MELTF: variants seen among roughly 807,000 people sequenced by gnomAD.
MELTF encodes melanotransferrin.
MELTF carries 67 observed loss-of-function variants against 83.7 expected under a neutral mutation model. The observed-to-expected ratio is 0.80, with a 90% CI of 0.66 to 0.98. The LOEUF is 0.98. Ranked by LOEUF, MELTF falls within the 50% of genes least tolerant of loss-of-function variation. MELTF has a pLI of 0.00. For synonymous variants in MELTF, 462 were observed against 447.6 expected, an observed-to-expected ratio of 1.03 and a Z score of -0.41; for missense variants, 1,002 against 1,035.6, an observed-to-expected ratio of 0.97 and a Z score of 0.44.
At chr3:197,005,201 A>C (rs1718933242) in intron 14 of MELTF, among the ~76,000 whole-genome samples, 1 of 152,202 alleles carries the variant, frequency 6.6e-6, no homozygotes, top group African/African-American at 2.4e-5. Flanking sequence ...AAGCACAACC[A>C]ATGGGATCTG....
rs748018104 is a variant in MELTF at position 197,023,943 on chromosome 3, C to T, written c.487+360G>A. 1.6e-5 allele frequency: 8 copies of T among 503,610 alleles called. 1 individual carries two copies. The highest frequency in any genetic ancestry group is 1.1e-4 in the South Asian group (7 of 65,012). The allele number at this position is 503,610 out of a possible 1,614,324, so 31.2% of individuals were successfully genotyped here. On this transcript the variant is annotated intron_variant, in intron 4 of 15. Transcript: ENST00000296350. ...AATAGCATTTCTGGTCCTGTAAAGC[C>T]GAGGACACATTTCTAGACACAGTGA... is the stretch of plus-strand genomic sequence containing the variant.
rs1250804536 is a variant in MELTF, at chr3:197,016,754, C to T, written c.900+349G>A. On this transcript the variant is annotated intron_variant, in intron 7 of 15. Transcript: ENST00000296350. ...TCACAAGCGGCGGTTTTAGCCAAACCTTATTCGCCACATGTAATTAATGGT... is the reference window on the plus strand; with the variant it reads ...TCACAAGCGGCGGTTTTAGCCAAACTTTATTCGCCACATGTAATTAATGGT... 4.6e-5 allele frequency among the ~76,000 whole-genome samples: 7 copies of T among 152,262 alleles called. No homozygotes were observed. The East Asian group carries it at 1.3e-3, about 29-fold the overall frequency.
rs190096194 is a variant in MELTF at position 197,016,354 on chromosome 3, C to G, written c.916G>C (p.Glu306Gln). The G allele has an allele frequency of 6.3e-7, 1 of 1,593,628 alleles. No individual in the cohort carries two copies. The highest frequency in any genetic ancestry group is 1.7e-5 in the Admixed American group (1 of 57,990). ...LNEGQRLFSH[E>Q]GSSFQMFSSE... Reference sequence around the variant, plus strand: ...CTGAACATCTGGAAGCTGCTGCCCTCGTGGCTGAACAGACGCTGTGTGTCA... The same window carrying G: ...CTGAACATCTGGAAGCTGCTGCCCTGGTGGCTGAACAGACGCTGTGTGTCA... The change falls in exon 8 of 16, where the codon GAG becomes CAG. Residue 306 changes from glutamate (E) to glutamine (Q), a missense_variant. Glu to Gln is a conservative substitution (Grantham distance 29). Coordinates refer to ENST00000296350, the MANE Select transcript of MELTF (RefSeq NM_005929.6).
intron 6 of MELTF, 143 bp downstream of exon 6, chr3:197,021,261 G>A (rs1323660850): frequency 1.4e-6 from 1 of 699,540 alleles, no homozygotes; most frequent in African/African-American, 1.8e-5. Flanking sequence ...CGGAGACTGT[G>A]GGACTTGTCC....
Position 197,022,382 on chromosome 3 carries a change from C to T in MELTF, c.644+575G>A, listed in dbSNP as rs1159389961. Among the ~76,000 whole-genome samples, 7 of 152,292 alleles carry T rather than the reference C, an allele frequency of 4.6e-5. No individual in the cohort carries two copies. Among genetic ancestry groups the T allele is most frequent in the Admixed American group, 2.0e-4 (3 of 15,306 alleles). ...TGTTTCTTCTCTCTAAGCCGAAAAC[C>T]GCATCCAGTCAGATAACATCTGGAG... is the stretch of plus-strand genomic sequence containing the variant. On this transcript the variant is annotated intron_variant, in intron 5 of 15. Transcript: ENST00000296350. This position sits in a 1 kb window ranked among gnomAD's most constrained non-coding sequence, Gnocchi z 5.1.
In MELTF at chr3:197,024,193, T is replaced by C. The variant is rs1285711176; in HGVS notation, c.487+110A>G. ...CGGGGGCTGCTGCGCCTTCCAGGAATGAAGAATGGTGGCGAGGCCGGAGGG... is the reference window on the plus strand; with the variant it reads ...CGGGGGCTGCTGCGCCTTCCAGGAACGAAGAATGGTGGCGAGGCCGGAGGG... On this transcript the variant is annotated intron_variant, in intron 4 of 15. Coordinates refer to ENST00000296350, the MANE Select transcript of MELTF (RefSeq NM_005929.6). This position sits in a 1 kb window ranked among gnomAD's most constrained non-coding sequence, Gnocchi z 5.3. 1.6e-6 allele frequency: 2 copies of C among 1,237,632 alleles called. No homozygotes were observed. The highest frequency in any genetic ancestry group is 2.2e-6 in the Non-Finnish European group (2 of 893,866). 76.7% of individuals were successfully genotyped at this position (1,237,632 alleles called of 1,614,324 possible). A position where few individuals can be genotyped will look rare whatever the true frequency, so the allele number is the denominator to read the frequency against.
intron 3 of MELTF, among the ~76,000 whole-genome samples, chr3:197,025,191 G>A (rs1014908004): frequency 5.9e-5 from 9 of 152,242 alleles, no homozygotes; most frequent in Non-Finnish European, 8.8e-5. Context: ...GTCTCCCATC[G>A]CACGGGCGCA....
chr3:197,018,424 T>C (rs1719489065), intron 6 of MELTF, among the ~76,000 whole-genome samples: 1 of 151,774 alleles, frequency 6.6e-6, no homozygotes, highest in Admixed American at 6.6e-5. Context: ...GTGCTGGGAT[T>C]ACAGGCGTGA....
chr3:197,009,508 G>T, intron 11 of MELTF, 110 bp downstream of exon 11: 1 of 1,078,708 alleles, frequency 9.3e-7, no homozygotes, highest in Non-Finnish European at 1.3e-6. Flanking sequence ...GGGCACATAT[G>T]CAGAAGCCTG....
intron 6 of MELTF, among the ~76,000 whole-genome samples, chr3:197,020,331 C>T (rs1413942387): frequency 1.3e-5 from 2 of 152,152 alleles, no homozygotes; most frequent in Non-Finnish European, 2.9e-5. Flanking sequence ...TCTGCAATAT[C>T]GGCTATAGAC....
At chr3:197,019,399 A>G in intron 6 of MELTF, 2 of 1,318,104 alleles carry the variant, frequency 1.5e-6, no homozygotes, top group Admixed American at 3.1e-5. Flanking sequence ...ATCTTTCTGT[A>G]TAAAGTCACT....
chr3:197,010,623 AGG>A, intron 10 of MELTF, 73 bp downstream of exon 10: 1 of 1,285,348 alleles, frequency 7.8e-7, no homozygotes, highest in Non-Finnish European at 1.1e-6. Flanking sequence ...AAAATGGCTG[AGG>A]GGGGCACTCT....
At position 197,006,673 on chromosome 3, in the gene MELTF, T is replaced by C; in HGVS notation, c.1814A>G (p.Asn605Ser). The C allele has an allele frequency of 6.3e-7, 1 of 1,593,434 alleles. No homozygotes were observed. Among genetic ancestry groups the C allele is most frequent in the Non-Finnish European group, 8.5e-7 (1 of 1,169,984 alleles). Reference sequence around the variant, plus strand: ...CTGGGACACCTCGGCTCGGGCCCCGTTGGGGCACAGCAGTTCATAGTCCTC... The same window carrying C: ...CTGGGACACCTCGGCTCGGGCCCCGCTGGGGCACAGCAGTTCATAGTCCTC... ...RSEDYELLCP[N>S]GARAEVSQFA... The change falls in exon 14 of 16, where the codon AAC (asparagine) becomes AGC (serine). Residue 605 changes from asparagine to serine, a missense_variant. Physicochemically the swap from Asn to Ser is conservative, Grantham distance 46 (BLOSUM62 1). Transcript: ENST00000296350. The surrounding 1 kb of genome is among the most constrained non-coding windows in gnomAD (Gnocchi z 5.4).
At chr3:197,019,475 C>T (rs942410396) in intron 6 of MELTF, 40 of 1,465,868 alleles carry the variant, frequency 2.7e-5, no homozygotes, top group African/African-American at 5.6e-5. Context: ...GCCAGGTGCA[C>T]GCCTGTCATC....
chr3:197,014,383 G>GTTTTGTTTT (rs1719285519), intron 9 of MELTF, among the ~76,000 whole-genome samples: 1 of 101,058 alleles, frequency 9.9e-6, no homozygotes, highest in African/African-American at 4.1e-5. Flanking sequence ...AATAGGGAGA[G>GTTTTGTTTT]TTTTTTTTTT....
At chr3:197,023,189 G>A in intron 4 of MELTF, 76 bp from the exon 5 acceptor site, 24 of 1,478,642 alleles carry the variant, frequency 1.6e-5, no homozygotes, top group Non-Finnish European at 2.2e-5. Context: ...GTCAGCAGGG[G>A]GCCCGGGCTC....
Position 197,029,776 on chromosome 3 carries a change from C to T in MELTF, c.-74G>A. ...GAGGAGGTCCGCAGCAGCCGGGCTTCCTCCCTGCTCCCCCTCGCGCTGGCC... is the reference window on the plus strand; with the variant it reads ...GAGGAGGTCCGCAGCAGCCGGGCTTTCTCCCTGCTCCCCCTCGCGCTGGCC... On this transcript the variant is annotated 5_prime_UTR_variant, in exon 1 of 16. Coordinates refer to ENST00000296350, the MANE Select transcript of MELTF (RefSeq NM_005929.6). The surrounding 1 kb of genome is among the most constrained non-coding windows in gnomAD (Gnocchi z 6.5). The T allele has an allele frequency of 2.0e-6, 2 of 1,021,070 alleles. No homozygotes were observed. The highest frequency in any genetic ancestry group is 3.3e-5 in the East Asian group (1 of 30,516). The allele number at this position is 1,021,070 out of a possible 1,614,324, so 63.3% of individuals were successfully genotyped here.
chr3:197,003,408 GGGCAGCAGCAGC>G lies in MELTF; in HGVS notation c.2169_2180del (p.Leu724_Pro727del). On this transcript the variant is annotated inframe_deletion, in exon 16 of 16. Transcript: ENST00000296350. This position sits in a 1 kb window ranked among gnomAD's most constrained non-coding sequence, Gnocchi z 6.2. ...GCGGGAGCAGGCGGGCGGCGAGGGC[GGGCAGCAGCAGC>G]GGGAGCAGGGGCGCCCCGGGCGCCG... 1.8e-6 allele frequency: 2 copies of G among 1,107,482 alleles called. No individual in the cohort carries two copies. The highest frequency in any genetic ancestry group is 1.7e-5 in the African/African-American group (1 of 59,894). 68.6% of individuals were successfully genotyped at this position (1,107,482 alleles called of 1,614,324 possible). A position where few individuals can be genotyped will look rare whatever the true frequency, so the allele number is the denominator to read the frequency against.
chr3:197,016,349 GC>G lies in MELTF; in HGVS notation c.920del (p.Gly307AlafsTer46). The G allele has an allele frequency of 1.9e-6, 3 of 1,598,836 alleles. No individual in the cohort carries two copies. The highest frequency in any genetic ancestry group is 2.6e-6 in the Non-Finnish European group (3 of 1,172,340). ...CAGAGCTGAACATCTGGAAGCTGCT[GC>G]CCTCGTGGCTGAACAGACGCTGTGT... Reference protein sequence around the residue: ...NEGQRLFSHEGSSFQMFSSEA... With the variant: ...NEGQRLFSHEXSSFQMFSSEA... On this transcript the variant is annotated frameshift_variant, in exon 8 of 16. Coordinates refer to ENST00000296350, the MANE Select transcript of MELTF (RefSeq NM_005929.6). LOFTEE classifies it high-confidence loss of function.
Sources: gnomAD v4.1 joint callset for allele counts (sites outside exome capture counted in the v4.1 genomes callset) on GRCh38, gnomAD v4.1.1 for gene constraint, Gnocchi (gnomAD v3.1) non-coding constraint, MANE v1.5 for transcripts, NCBI Gene and HGNC (gene_info 2026-07-23, HGNC 2026-07-21) for gene names.